Variants in GAN observed in about 807,000 individuals in gnomAD.
GAN encodes the protein gigaxonin.
A neutral mutation model predicts 71.3 loss-of-function variants in GAN; 48 were observed. The observed-to-expected ratio is 0.67, with a 90% CI of 0.53 to 0.86. The LOEUF is 0.86. Ranked by LOEUF, GAN falls within the 40% of genes least tolerant of loss-of-function variation. The pLI is 0.00. For synonymous variants in GAN, 386 were observed against 276.8 expected, an observed-to-expected ratio of 1.39 and a Z score of -3.92; for missense variants, 928 against 770.1, an observed-to-expected ratio of 1.21 and a Z score of -2.43.
chr16:81,373,250 T>G (rs1911090515), intron 9 of GAN, among the ~76,000 whole-genome samples: 1 of 152,232 alleles, frequency 6.6e-6, no homozygotes, highest in Non-Finnish European at 1.5e-5. Context: ...GACTGTGTGC[T>G]CCAGTGAGGG....
chr16:81,363,218 C>G (rs894704960), intron 6 of GAN, among the ~76,000 whole-genome samples: 2 of 152,234 alleles, frequency 1.3e-5, no homozygotes, highest in African/African-American at 2.4e-5. Context: ...CTTGAAAACA[C>G]TGCCCTTTGT....
intron 6 of GAN, among the ~76,000 whole-genome samples, chr16:81,363,509 A>G (rs1910746457): frequency 1.3e-5 from 2 of 152,134 alleles, no homozygotes; most frequent in Non-Finnish European, 2.9e-5. Flanking sequence ...AAATAGTTTC[A>G]ACTTTTATTT....
chr16:81,365,167 C>T (rs568210159), intron 8 of GAN, 57 bp downstream of exon 8: 4 of 1,583,680 alleles, frequency 2.5e-6, no homozygotes, highest in Non-Finnish European at 3.5e-6. Flanking sequence ...GGGTCTGGAG[C>T]CCCTTACCCT....
At chr16:81,330,161 G>T (rs1909526135) in intron 1 of GAN, among the ~76,000 whole-genome samples, 1 of 152,168 alleles carries the variant, frequency 6.6e-6, no homozygotes, top group African/African-American at 2.4e-5. Context: ...CTGACTTGTG[G>T]CAGGACCTCT....
At position 81,354,566 on chromosome 16, in the gene GAN, C is replaced by G; in HGVS notation, c.444C>G (p.His148Gln). ...RDFALHYCLH[H>Q]VHYLATEYLE... ...TTGCACTACATTACTGCCTCCATCA[C>G]GTTCATTACCTTGCCACAGAATACC... The change falls in exon 3 of 11, where the codon CAC becomes CAG. Residue 148 changes from histidine (H) to glutamine (Q), a missense_variant. Transcript: ENST00000648994. The G allele has an allele frequency of 6.2e-7, 1 of 1,614,104 alleles. No homozygotes were observed. Among genetic ancestry groups the G allele is most frequent in the Non-Finnish European group, 8.5e-7 (1 of 1,179,978 alleles).
At chr16:81,345,983 C>G (rs1201473861) in intron 1 of GAN, among the ~76,000 whole-genome samples, 1 of 152,158 alleles carries the variant, frequency 6.6e-6, no homozygotes, top group African/African-American at 2.4e-5. Context: ...GAATCTAATG[C>G]CACATGCGCA....
chr16:81,315,349 G>T lies in GAN; in HGVS notation c.167+69G>T, dbSNP rs1048858585. On this transcript the variant is annotated intron_variant, in intron 1 of 10. Transcript: ENST00000648994. ...GAGCCGGAGGCGGGGCGGCCGGGCC[G>T]GGCGTGGCCCCCAGACCCTGTCCCC... 15 of 1,197,100 alleles carry T rather than the reference G, an allele frequency of 1.3e-5. No homozygotes were observed. The African/African-American group carries it at 2.3e-4, about 18-fold the overall frequency. 74.2% of individuals were successfully genotyped at this position (1,197,100 alleles called of 1,614,324 possible).
intron 1 of GAN, among the ~76,000 whole-genome samples, chr16:81,321,867 C>T (rs1047674305): frequency 2.0e-5 from 3 of 152,142 alleles, no homozygotes; most frequent in Non-Finnish European, 4.4e-5. Context: ...TGCATTTGAG[C>T]GCTTCCCATG....
chr16:81,323,368 G>T (rs770589236), intron 1 of GAN, among the ~76,000 whole-genome samples: 43 of 152,146 alleles, frequency 2.8e-4, no homozygotes, highest in Non-Finnish European at 5.4e-4. Flanking sequence ...CCTGAGTGGG[G>T]TGCTTGAGCA....
At chr16:81,342,535 G>T (rs1184138252) in intron 1 of GAN, among the ~76,000 whole-genome samples, 1 of 152,032 alleles carries the variant, frequency 6.6e-6, no homozygotes, top group African/African-American at 2.4e-5. Flanking sequence ...ATGATTACTG[G>T]GTAAATAACG....
Position 81,379,748 on chromosome 16 carries a change from C to G in GAN, c.*2152C>G, listed in dbSNP as rs918618651. Reference sequence around the variant, plus strand: ...ACAGTAACTGACATCCAGTTAAAGCCACGATCGTCAGCAATTCTCCTTTTT... The same window carrying G: ...ACAGTAACTGACATCCAGTTAAAGCGACGATCGTCAGCAATTCTCCTTTTT... On this transcript the variant is annotated 3_prime_UTR_variant, in exon 11 of 11. Coordinates refer to ENST00000648994, the MANE Select transcript of GAN (RefSeq NM_022041.4). 1 of 152,170 alleles carries G rather than the reference C, an allele frequency of 6.6e-6. No individual in the cohort carries two copies. The highest frequency in any genetic ancestry group is 2.4e-5 in the African/African-American group (1 of 41,432). 9.4% of individuals were successfully genotyped at this position (152,170 alleles called of 1,614,324 possible).
chr16:81,315,500 C>T (rs1214929331), intron 1 of GAN, among the ~76,000 whole-genome samples: 3 of 151,932 alleles, frequency 2.0e-5, no homozygotes, highest in Non-Finnish European at 4.4e-5. Context: ...GCGCTCCCCA[C>T]TGGACCCCCG....
chr16:81,387,299 C>G lies in GAN; in HGVS notation c.*9703C>G, dbSNP rs1904431019. On this transcript the variant is annotated 3_prime_UTR_variant, in exon 11 of 11. Transcript: ENST00000648994. ...GGGATATTGATCATTTGAACATATG[C>G]CAGTTGTTTCTCCTGCCCTAGGGGA... is the stretch of plus-strand genomic sequence containing the variant. 6.6e-6 allele frequency: 1 copy of G among 152,066 alleles called. No homozygotes were observed. The allele number at this position is 152,066 out of a possible 1,614,324, so 9.4% of individuals were successfully genotyped here.
Position 81,353,297 on chromosome 16 carries a change from A to AAAAAACAAAAACAAAAAACAAAACAAAAC in GAN, c.283-1103_283-1102insCAAAAACAAAAAACAAAACAAAACAAAAA, listed in dbSNP as rs1567490932. ...ACAGAGCGAGACTCCGTCTCAAAAA[A>AAAAAACAAAAACAAAAAACAAAACAAAAC]AAAAAAAAACGATAGTTGGAATGTA... On this transcript the variant is annotated intron_variant, in intron 2 of 10. Transcript: ENST00000648994. 2.0e-3 allele frequency among the ~76,000 whole-genome samples: 309 copies of AAAAAACAAAAACAAAAAACAAAACAAAAC among 151,454 alleles called. 1 individual carries two copies. The highest frequency in any genetic ancestry group is 7.1e-3 in the African/African-American group (292 of 40,940).
intron 5 of GAN, among the ~76,000 whole-genome samples, chr16:81,360,797 A>G (rs1910648115): frequency 6.6e-6 from 1 of 152,210 alleles, no homozygotes; most frequent in Non-Finnish European, 1.5e-5. Context: ...GAAAAAAATC[A>G]TCTTTCTGGT....
chr16:81,367,671 A>C (rs1299299339), intron 9 of GAN, among the ~76,000 whole-genome samples: 1 of 152,236 alleles, frequency 6.6e-6, no homozygotes. Flanking sequence ...GATAACATTA[A>C]ACACACATAT....
chr16:81,377,967 C>T lies in GAN; in HGVS notation c.*371C>T, dbSNP rs1597414530. ...CATGTCTGACTGCTGTATTCAAATA[C>T]GTAGCTTTGGTAACAAACAAAATCC... On this transcript the variant is annotated 3_prime_UTR_variant, in exon 11 of 11. Coordinates refer to ENST00000648994, the MANE Select transcript of GAN (RefSeq NM_022041.4). 4 of 294,396 alleles carry T rather than the reference C, an allele frequency of 1.4e-5. No individual in the cohort carries two copies. Among genetic ancestry groups the T allele is most frequent in the African/African-American group, 2.1e-5 (1 of 46,586 alleles). 18.2% of individuals were successfully genotyped at this position (294,396 alleles called of 1,614,324 possible).
At chr16:81,375,317 C>CTT (rs370495519) in intron 9 of GAN, among the ~76,000 whole-genome samples, 2,249 of 125,194 alleles carry the variant, frequency 0.018, 65 homozygotes, top group African/African-American at 0.061. Context: ...TTGCTACGTC[C>CTT]TTTTTTTTTT....
chr16:81,337,794 C>G (rs1342419681), intron 1 of GAN, among the ~76,000 whole-genome samples: 1 of 152,126 alleles, frequency 6.6e-6, no homozygotes, highest in African/African-American at 2.4e-5. Flanking sequence ...TTTAATAGAA[C>G]AGAAGAACAG....
Sources: gnomAD v4.1 joint callset for allele counts (sites outside exome capture counted in the v4.1 genomes callset) on GRCh38, gnomAD v4.1.1 for gene constraint, MANE v1.5 for transcripts, NCBI Gene and HGNC (gene_info 2026-07-23, HGNC 2026-07-21) for gene names.